Variants in CKM observed in about 807,000 individuals in gnomAD.
The protein encoded by CKM is creatine kinase, M-type, also known as creatine kinase M-type.
In CKM, 28 loss-of-function variants were observed where a neutral mutation model predicts 35.4. The ratio of observed to expected loss-of-function variants is 0.79; its 90% CI spans 0.59 to 1.08. The LOEUF is 1.08. Ranked by LOEUF, CKM falls within the 50% of genes least tolerant of loss-of-function variation. The probability of loss-of-function intolerance (pLI) is 0.00; values close to 1 mark genes in which losing one functional copy is unlikely to be tolerated. For missense variants in CKM, 484 were observed against 509.8 expected (o/e 0.95, Z 0.49); for synonymous variants, 215 against 204.4 (o/e 1.05, Z -0.44).
chr19:45,316,483 T>C (rs531272911), intron 3 of CKM, among the ~76,000 whole-genome samples: 1 of 151,800 alleles, frequency 6.6e-6, no homozygotes, highest in Non-Finnish European at 1.5e-5. Flanking sequence ...GGCTTTTTTT[T>C]TTCTTTTTTT....
At chr19:45,321,613 ATTG>A (rs1971214272) in intron 1 of CKM, among the ~76,000 whole-genome samples, 1 of 151,876 alleles carries the variant, frequency 6.6e-6, no homozygotes, top group Non-Finnish European at 1.5e-5. Context: ...GGCTGCTATT[ATTG>A]TTATTTGTTA....
Position 45,319,863 on chromosome 19 carries a change from T to C in CKM, c.-18-132A>G. The C allele has an allele frequency of 4.4e-6, 3 of 686,838 alleles. 1 individual carries two copies. Among genetic ancestry groups the C allele is most frequent in the South Asian group, 3.6e-5 (2 of 54,984 alleles). The allele number at this position is 686,838 out of a possible 1,614,324, so 42.5% of individuals were successfully genotyped here. A position where few individuals can be genotyped will look rare whatever the true frequency, so the allele number is the denominator to read the frequency against. On this transcript the variant is annotated intron_variant, in intron 1 of 7. Coordinates refer to ENST00000221476, the MANE Select transcript of CKM (RefSeq NM_001824.5). ...TGGAGTGCAGTGGCACGATCTCGGC[T>C]CACTGCAAGCTCCACCTCCTGGGTT...
At chr19:45,319,038 G>A (rs1250788132) in intron 2 of CKM, among the ~76,000 whole-genome samples, 1 of 151,914 alleles carries the variant, frequency 6.6e-6, no homozygotes, top group Non-Finnish European at 1.5e-5. Flanking sequence ...TGTATTTTTT[G>A]TAGAGACAGG....
chr19:45,311,927 G>T lies in CKM; in HGVS notation c.482-7C>A. 6.2e-7 allele frequency: 1 copy of T among 1,613,674 alleles called. No individual in the cohort carries two copies. ...CCCGTCAGGCTGTTGAGAGCTATGGGGACACACGAGGGAGTGGTCAGCAGC... is the reference window on the plus strand; with the variant it reads ...CCCGTCAGGCTGTTGAGAGCTATGGTGACACACGAGGGAGTGGTCAGCAGC... On this transcript the variant is annotated splice_region_variant and splice_polypyrimidine_tract_variant and intron_variant, in intron 4 of 7. Coordinates refer to ENST00000221476, the MANE Select transcript of CKM (RefSeq NM_001824.5).
At chr19:45,314,146 GGGAA>G (rs1971135430) in intron 4 of CKM, among the ~76,000 whole-genome samples, 1 of 148,612 alleles carries the variant, frequency 6.7e-6, no homozygotes, top group African/African-American at 2.5e-5. Context: ...AGGGAAGGAA[GGGAA>G]GGAAGGGAGG....
At chr19:45,307,419 C>T (rs1335081802) in intron 7 of CKM, 42 bp downstream of exon 7, 2 of 1,594,860 alleles carry the variant, frequency 1.3e-6, no homozygotes, top group East Asian at 2.2e-5. Flanking sequence ...AAAGGGCCCT[C>T]GCTCCCCCTC....
chr19:45,316,921 A>C (rs1971163914), intron 3 of CKM, among the ~76,000 whole-genome samples: 1 of 151,454 alleles, frequency 6.6e-6, no homozygotes, highest in African/African-American at 2.4e-5. Flanking sequence ...TCCTGACCTT[A>C]TGATCCGCCC....
intron 5 of CKM, 84 bp from the exon 6 acceptor site, chr19:45,308,616 A>C: frequency 4.6e-6 from 7 of 1,535,578 alleles, no homozygotes; most frequent in Non-Finnish European, 5.4e-6. Context: ...ACATCTGCCC[A>C]CCGATGGGGG....
In CKM at chr19:45,322,028, G is replaced by A. The variant is rs557909542; in HGVS notation, c.-19+793C>T. Among the ~76,000 whole-genome samples, 20 of 151,490 alleles carry A rather than the reference G, an allele frequency of 1.3e-4. No homozygotes were observed. In the East Asian group the frequency reaches 2.8e-3, roughly 21 times the overall value. On this transcript the variant is annotated intron_variant, in intron 1 of 7. Transcript: ENST00000221476. The stretch of plus-strand genomic sequence containing the variant: ...CTGCCCCGCCCCACCCCCACATTCC[G>A]GGGCTCGGCTTGCACCAAGTCAGCA...
intron 5 of CKM, among the ~76,000 whole-genome samples, chr19:45,311,506 A>C (rs1599816034): frequency 6.6e-6 from 1 of 151,648 alleles, no homozygotes; most frequent in Non-Finnish European, 1.5e-5. Flanking sequence ...GATTACAGGC[A>C]TGAGCCACCG....
chr19:45,306,761 C>G lies in CKM; in HGVS notation c.1135G>C (p.Ala379Pro). The G allele has an allele frequency of 6.2e-7, 1 of 1,614,112 alleles. No individual in the cohort carries two copies. The highest frequency in any genetic ancestry group is 8.5e-7 in the Non-Finnish European group (1 of 1,180,002). Residue 379 changes from alanine to proline, a missense_variant, in exon 8 of 8, where the codon GCC becomes CCC. Transcript: ENST00000221476. The surrounding 1 kb of genome is among the most constrained non-coding windows in gnomAD (Gnocchi z 4.5). ...AGGTGGGCAGGCGCCTACTTCTGGG[C>G]GGGGATCATGTCGTCAATGGACTGG... is the stretch of plus-strand genomic sequence containing the variant. ...KGQSIDDMIP[A>P]QK is the part of the protein sequence containing the mutation.
chr19:45,310,834 G>A (rs1456269115), intron 5 of CKM, among the ~76,000 whole-genome samples: 4 of 123,762 alleles, frequency 3.2e-5, no homozygotes, highest in African/African-American at 1.2e-4. Flanking sequence ...GCAGTGGCAC[G>A]ATCTCAGCTC....
At chr19:45,311,703 A>G in intron 5 of CKM, 46 bp downstream of exon 5, 1 of 1,504,086 alleles carries the variant, frequency 6.6e-7, no homozygotes, top group Non-Finnish European at 8.9e-7. Flanking sequence ...GCAGGACTGG[A>G]GGAGGCTGGG....
chr19:45,315,861 C>CTTT (rs1971153382), intron 3 of CKM, among the ~76,000 whole-genome samples: 1 of 122,156 alleles, frequency 8.2e-6, no homozygotes, highest in East Asian at 2.0e-4. Flanking sequence ...TTTTTTTCTT[C>CTTT]GAGACAGGGT....
intron 1 of CKM, 104 bp downstream of exon 1, chr19:45,322,714 TTGG>T (rs1477414271): frequency 1.5e-6 from 1 of 647,224 alleles, no homozygotes; most frequent in Non-Finnish European, 1.9e-6. Flanking sequence ...TAGGAGGATG[TTGG>T]TGGAGCAAGG....
At chr19:45,313,668 G>A (rs1023217471) in intron 4 of CKM, among the ~76,000 whole-genome samples, 5 of 152,136 alleles carry the variant, frequency 3.3e-5, no homozygotes, top group African/African-American at 7.2e-5. Context: ...CCAAGATGGC[G>A]AAACCCCGAT....
rs182036988 is a variant in CKM at position 45,307,359 on chromosome 19, C to A, written c.967+102G>T. 7.9e-5 allele frequency: 89 copies of A among 1,119,632 alleles called. No homozygotes were observed. In the African/African-American group the frequency reaches 1.3e-3, roughly 16 times the overall value. The allele number at this position is 1,119,632 out of a possible 1,614,324, so 69.4% of individuals were successfully genotyped here. On this transcript the variant is annotated intron_variant, in intron 7 of 7. Transcript: ENST00000221476. ...CAAGCTCACAGAGGGTCAGCCCTTG[C>A]CGGATCCCCAGAACTCGCAGGGATG...
chr19:45,308,562 A>G (rs1971078002), intron 5 of CKM, 30 bp from the exon 6 acceptor site: 1 of 1,601,836 alleles, frequency 6.2e-7, no homozygotes, highest in African/African-American at 1.3e-5. Context: ...CAAGAGGCCA[A>G]GGTGTCAGCC....
chr19:45,320,087 C>A (rs1340769932), intron 1 of CKM, among the ~76,000 whole-genome samples: 1 of 148,964 alleles, frequency 6.7e-6, no homozygotes, highest in East Asian at 2.0e-4. Context: ...CTGCACCCGG[C>A]CTTTTCTTCT....
Sources: gnomAD v4.1 joint callset for allele counts (sites outside exome capture counted in the v4.1 genomes callset) on GRCh38, gnomAD v4.1.1 for gene constraint, Gnocchi (gnomAD v3.1) non-coding constraint, MANE v1.5 for transcripts, NCBI Gene and HGNC (gene_info 2026-07-23, HGNC 2026-07-21) for gene names.